Variants in THTPA observed in about 807,000 individuals in gnomAD.
The protein encoded by THTPA is thiamine triphosphatase.
A neutral mutation model predicts 16.5 loss-of-function variants in THTPA; 16 were observed. That is an observed-to-expected ratio of 0.97 (90% CI 0.66 to 1.47). The LOEUF (loss-of-function observed/expected upper bound fraction) is 1.47, where lower values mean the gene tolerates loss of function less well. Among genes scored for constraint, THTPA ranks in the 40% most tolerant of loss-of-function variants. The probability of loss-of-function intolerance (pLI) is 0.00; values close to 1 mark genes in which losing one functional copy is unlikely to be tolerated. For synonymous variants in THTPA, 110 were observed against 115.5 expected, an observed-to-expected ratio of 0.95 and a Z score of 0.30; for missense variants, 281 against 280.9, an observed-to-expected ratio of 1.00 and a Z score of 0.00.
Position 23,558,667 on chromosome 14 carries a change from T to G in THTPA, c.548-28T>G, listed in dbSNP as rs1555350878. ...CCAAGTGCTTGTGGCTCTGTCCATTTCTCTCCTCATTGTCCTTTTACCTGT... is the reference window on the plus strand; with the variant it reads ...CCAAGTGCTTGTGGCTCTGTCCATTGCTCTCCTCATTGTCCTTTTACCTGT... On this transcript the variant is annotated intron_variant, in intron 1 of 1. Coordinates refer to ENST00000288014, the MANE Select transcript of THTPA (RefSeq NM_024328.6). 4 of 1,613,768 alleles carry G rather than the reference T, an allele frequency of 2.5e-6. No homozygotes were observed. The South Asian group carries it at 4.4e-5, about 18-fold the overall frequency.
At chr14:23,522,337 G>C in the THTPA span, 2 of 1,534,740 alleles carry the variant, frequency 1.3e-6, no homozygotes, top group Non-Finnish European at 1.7e-6. Flanking sequence ...GGTAGCGATG[G>C]GTTACATCCA....
At chr14:23,536,757 C>G in the THTPA span, among the ~76,000 whole-genome samples, 1 of 152,170 alleles carries the variant, frequency 6.6e-6, no homozygotes, top group Non-Finnish European at 1.5e-5. Flanking sequence ...ACTGAGTAAA[C>G]CCCAAAGTTG....
chr14:23,551,874 C>T (rs965658063), upstream of THTPA, among the ~76,000 whole-genome samples: 8 of 152,156 alleles, frequency 5.3e-5, no homozygotes, highest in African/African-American at 1.9e-4. This position sits in a 1 kb window ranked among gnomAD's most constrained non-coding sequence, Gnocchi z 5.3. Context: ...GCCTGCCTCG[C>T]GGGACCCAGG....
chr14:23,559,142 A>G lies in THTPA; in HGVS notation c.*302A>G, dbSNP rs757050489. 24 of 320,630 alleles carry G rather than the reference A, an allele frequency of 7.5e-5. No homozygotes were observed. The highest frequency in any genetic ancestry group is 1.4e-4 in the Non-Finnish European group (24 of 171,918). 19.9% of individuals were successfully genotyped at this position (320,630 alleles called of 1,614,324 possible). On this transcript the variant is annotated 3_prime_UTR_variant, in exon 2 of 2. Transcript: ENST00000288014. ...CCGTGATCAGTAGTTAAGCACAGGA[A>G]AATCCCTTGCCACCCCCCCTCCCTT...
At chr14:23,521,678 T>C in the THTPA span, 4 of 419,734 alleles carry the variant, frequency 9.5e-6, no homozygotes, top group African/African-American at 8.1e-5. Context: ...GTATGAATAA[T>C]CAGGGTGCCA....
At chr14:23,543,186 G>A in the THTPA span, 4 of 152,224 alleles carry the variant, frequency 2.6e-5, no homozygotes, top group Non-Finnish European at 4.4e-5. Flanking sequence ...CCATGGGCCA[G>A]GCACCGTGCT....
chr14:23,533,621 A>C, the THTPA span: 5 of 1,536,874 alleles, frequency 3.3e-6, no homozygotes, highest in Non-Finnish European at 4.4e-6. This position sits in a 1 kb window ranked among gnomAD's most constrained non-coding sequence, Gnocchi z 4.8. Context: ...TTGCACTGCC[A>C]GGATGATTTG....
the THTPA span, chr14:23,534,144 G>C: frequency 6.8e-7 from 1 of 1,474,458 alleles, no homozygotes; most frequent in South Asian, 1.4e-5. This position sits in a 1 kb window ranked among gnomAD's most constrained non-coding sequence, Gnocchi z 4.5. Context: ...CCTTGGAGGT[G>C]GGTGAGCTTT....
the THTPA span, chr14:23,525,191 C>T: frequency 6.5e-7 from 1 of 1,536,136 alleles, no homozygotes; most frequent in South Asian, 1.2e-5. This position sits in a 1 kb window ranked among gnomAD's most constrained non-coding sequence, Gnocchi z 5.9. Flanking sequence ...AAGATTCCCT[C>T]TGGAGCTTTC....
At chr14:23,555,282 A>G (rs1882270302), upstream of THTPA, among the ~76,000 whole-genome samples, 1 of 152,124 alleles carries the variant, frequency 6.6e-6, no homozygotes, top group Non-Finnish European at 1.5e-5. Context: ...TGCAGGTGTG[A>G]GCAACCGCAC....
At chr14:23,546,034 TTAGC>T in the THTPA span, among the ~76,000 whole-genome samples, 1 of 152,202 alleles carries the variant, frequency 6.6e-6, no homozygotes, top group Non-Finnish European at 1.5e-5. This position sits in a 1 kb window ranked among gnomAD's most constrained non-coding sequence, Gnocchi z 4.7. Flanking sequence ...TCCAGGGCAG[TTAGC>T]TATGACTGGA....
chr14:23,526,074 G>A, the THTPA span: 47 of 1,536,406 alleles, frequency 3.1e-5, no homozygotes, highest in East Asian at 7.3e-5. Context: ...TCTTGGCTGC[G>A]TTCTGGCCCT....
the THTPA span, chr14:23,528,555 T>C: frequency 1.0e-6 from 1 of 969,990 alleles, no homozygotes; most frequent in Non-Finnish European, 1.2e-6. Context: ...CCTCTGGGCA[T>C]TTTCTGGACC....
chr14:23,534,222 G>C, the THTPA span: 1 of 1,509,802 alleles, frequency 6.6e-7, no homozygotes, highest in Admixed American at 2.0e-5. The surrounding 1 kb of genome is among the most constrained non-coding windows in gnomAD (Gnocchi z 4.5). Context: ...GCCCTGCCTC[G>C]CCTGCTGCTA....
the THTPA span, chr14:23,534,428 G>T: frequency 3.3e-6 from 5 of 1,536,704 alleles, no homozygotes; most frequent in Admixed American, 7.8e-5. This position sits in a 1 kb window ranked among gnomAD's most constrained non-coding sequence, Gnocchi z 4.5. Flanking sequence ...TCAGAAGAGG[G>T]GCGAGCAGGG....
chr14:23,527,647 A>C, the THTPA span: 1 of 1,536,464 alleles, frequency 6.5e-7, no homozygotes. Flanking sequence ...CACGTTGTGA[A>C]GGTGGCTAAG....
the THTPA span, chr14:23,521,128 T>C: frequency 6.6e-6 from 1 of 152,272 alleles, no homozygotes; most frequent in Admixed American, 6.5e-5. Context: ...ATCTCTGTGT[T>C]TAAAGCCTTT....
the THTPA span, chr14:23,522,937 C>T: frequency 8.3e-6 from 12 of 1,441,464 alleles, no homozygotes; most frequent in Admixed American, 2.8e-5. Flanking sequence ...AGGAGGCTGC[C>T]GGGCCTAGAA....
chr14:23,557,364 C>T, intron 1 of THTPA, 60 bp downstream of exon 1: 2 of 1,465,802 alleles, frequency 1.4e-6, no homozygotes, highest in East Asian at 2.4e-5. Flanking sequence ...TTTGGAGGCA[C>T]CTGCTGGACC....
Sources: gnomAD v4.1 joint callset for allele counts (sites outside exome capture counted in the v4.1 genomes callset) on GRCh38, gnomAD v4.1.1 for gene constraint, Gnocchi (gnomAD v3.1) non-coding constraint, MANE v1.5 for transcripts, NCBI Gene and HGNC (gene_info 2026-07-23, HGNC 2026-07-21) for gene names.